EGFLAM: variants seen among roughly 807,000 people sequenced by gnomAD.
The protein encoded by EGFLAM is pikachurin.
Under a neutral mutation model 113.1 loss-of-function variants are expected in EGFLAM, and 79 were observed. That is an observed-to-expected ratio of 0.70 (90% CI 0.58 to 0.84). The LOEUF is 0.84. Among genes scored for constraint, EGFLAM ranks in the 40% least tolerant of loss-of-function variants. The pLI is 0.00. For missense variants in EGFLAM, 1,265 were observed against 1,291.6 expected (o/e 0.98, Z 0.32); for synonymous variants, 504 against 487.6 (o/e 1.03, Z -0.44).
At chr5:38,362,101 C>T (rs1185650804) in intron 5 of EGFLAM, among the ~76,000 whole-genome samples, 2 of 152,134 alleles carry the variant, frequency 1.3e-5, no homozygotes, top group African/African-American at 2.4e-5. Context: ...CAAAAGCCAA[C>T]GAGGATCTGC....
chr5:38,334,259 G>A (rs12656306), intron 1 of EGFLAM, among the ~76,000 whole-genome samples: 5,165 of 152,210 alleles, frequency 0.034, 122 homozygotes, highest in East Asian at 0.056. Flanking sequence ...ATCTTAGTTT[G>A]TTTGGCTGCT....
chr5:38,457,119 A>G (rs1743112719), intron 19 of EGFLAM, among the ~76,000 whole-genome samples: 1 of 152,228 alleles, frequency 6.6e-6, no homozygotes, highest in African/African-American at 2.4e-5. Flanking sequence ...TAGCAGAGTT[A>G]AATGGATAAG....
chr5:38,258,939 C>T, intron 1 of EGFLAM, 88 bp downstream of exon 1: 4 of 1,380,344 alleles, frequency 2.9e-6, no homozygotes, highest in East Asian at 2.5e-5. Flanking sequence ...AGCGCACCGC[C>T]TCCCTCTCCC....
intron 21 of EGFLAM, among the ~76,000 whole-genome samples, chr5:38,463,390 A>T (rs111341047): frequency 6.6e-6 from 1 of 152,240 alleles, no homozygotes; most frequent in Non-Finnish European, 1.5e-5. Flanking sequence ...TAGTGCAGAC[A>T]CATAAAAATG....
chr5:38,415,775 G>A (rs1039172070), intron 11 of EGFLAM, among the ~76,000 whole-genome samples: 2 of 152,166 alleles, frequency 1.3e-5, no homozygotes, highest in African/African-American at 4.8e-5. Flanking sequence ...GTTCTGCATG[G>A]CTGGGAAGGC....
chr5:38,283,727 G>A (rs1758082704), intron 1 of EGFLAM, among the ~76,000 whole-genome samples: 1 of 152,184 alleles, frequency 6.6e-6, no homozygotes, highest in Non-Finnish European at 1.5e-5. Flanking sequence ...CTGACTCCAT[G>A]GGATAGGCAG....
intron 5 of EGFLAM, among the ~76,000 whole-genome samples, chr5:38,368,175 C>T (rs1452681092): frequency 2.0e-5 from 3 of 152,184 alleles, no homozygotes; most frequent in African/African-American, 7.2e-5. Context: ...CACATCTTTT[C>T]TGACTTTACT....
intron 11 of EGFLAM, among the ~76,000 whole-genome samples, chr5:38,414,635 C>A (rs1469196994): frequency 6.6e-6 from 1 of 152,166 alleles, no homozygotes; most frequent in Non-Finnish European, 1.5e-5. Flanking sequence ...AAGAAGGCTG[C>A]AGACAAATTG....
intron 3 of EGFLAM, among the ~76,000 whole-genome samples, chr5:38,348,690 AAG>A (rs1431228544): frequency 7.2e-5 from 11 of 152,264 alleles, no homozygotes; most frequent in African/African-American, 2.6e-4. Context: ...GGTTGCCTCT[AAG>A]GAGAGGAGCT....
At chr5:38,422,753 T>C (rs1741875080) in intron 12 of EGFLAM, among the ~76,000 whole-genome samples, 1 of 152,206 alleles carries the variant, frequency 6.6e-6, no homozygotes, top group African/African-American at 2.4e-5. Context: ...ACAACAGCTG[T>C]GAGGTCTATT....
chr5:38,307,251 T>C (rs1758744146), intron 1 of EGFLAM, among the ~76,000 whole-genome samples: 1 of 152,130 alleles, frequency 6.6e-6, no homozygotes, highest in Admixed American at 6.5e-5. Flanking sequence ...ACCTGGTATC[T>C]TGATATGGTT....
chr5:38,305,991 A>C (rs1310199667), intron 1 of EGFLAM, among the ~76,000 whole-genome samples: 1 of 152,168 alleles, frequency 6.6e-6, no homozygotes, highest in African/African-American at 2.4e-5. Flanking sequence ...ATGATGGGAT[A>C]CTGGGTTATG....
intron 9 of EGFLAM, among the ~76,000 whole-genome samples, chr5:38,408,284 T>C (rs1050513451): frequency 6.6e-6 from 1 of 152,240 alleles, no homozygotes; most frequent in Non-Finnish European, 1.5e-5. Flanking sequence ...ATTCTCTGTC[T>C]TCATTGTGAT....
At chr5:38,459,031 G>A (rs1743185505) in intron 20 of EGFLAM, among the ~76,000 whole-genome samples, 1 of 151,538 alleles carries the variant, frequency 6.6e-6, no homozygotes, top group Non-Finnish European at 1.5e-5. Flanking sequence ...CCTCCCTCTG[G>A]CTTTTTTTTG....
intron 1 of EGFLAM, among the ~76,000 whole-genome samples, chr5:38,298,336 T>C (rs1373175762): frequency 6.6e-6 from 1 of 152,152 alleles, no homozygotes; most frequent in Non-Finnish European, 1.5e-5. Flanking sequence ...TCTTCCAGGG[T>C]TCTCTGATTA....
At chr5:38,286,839 G>A (rs1266642690) in intron 1 of EGFLAM, among the ~76,000 whole-genome samples, 1 of 152,174 alleles carries the variant, frequency 6.6e-6, no homozygotes, top group African/African-American at 2.4e-5. Context: ...CTATGAGATG[G>A]TGACCAATGT....
chr5:38,303,539 C>G (rs1009696738), intron 1 of EGFLAM, among the ~76,000 whole-genome samples: 1 of 152,162 alleles, frequency 6.6e-6, no homozygotes, highest in African/African-American at 2.4e-5. Context: ...GGGGCCAGAG[C>G]TGAATTGCTA....
intron 15 of EGFLAM, among the ~76,000 whole-genome samples, chr5:38,432,105 C>T (rs1742207204): frequency 1.3e-5 from 2 of 152,168 alleles, no homozygotes; most frequent in African/African-American, 2.4e-5. Context: ...TGCGAACACA[C>T]ACACAATTTA....
intron 6 of EGFLAM, among the ~76,000 whole-genome samples, chr5:38,374,874 C>T (rs1367234735): frequency 6.6e-6 from 1 of 152,198 alleles, no homozygotes; most frequent in African/African-American, 2.4e-5. Flanking sequence ...TGATCTCTTT[C>T]ACTGTCATAA....
Sources: gnomAD v4.1 joint callset for allele counts (sites outside exome capture counted in the v4.1 genomes callset) on GRCh38, gnomAD v4.1.1 for gene constraint, MANE v1.5 for transcripts, NCBI Gene and HGNC (gene_info 2026-07-23, HGNC 2026-07-21) for gene names.